The following CACNA2D1 variants were observed in gnomAD, a reference collection of about 807,000 sequenced individuals.
The protein encoded by CACNA2D1 is calcium voltage-gated channel auxiliary subunit alpha2delta 1.
Under a neutral mutation model 171.5 loss-of-function variants are expected in CACNA2D1, and 53 were observed. That is an observed-to-expected ratio of 0.31 (90% CI 0.25 to 0.39). The LOEUF is 0.39. CACNA2D1 is among the 10% of genes least tolerant of loss of function. The pLI, the probability that CACNA2D1 is intolerant of heterozygous loss-of-function variation, is 1.00. For synonymous variants in CACNA2D1, 442 were observed against 443.1 expected (o/e 1.00, Z 0.03); for missense variants, 903 against 1,299.8 (o/e 0.69, Z 4.69).
chr7:81,998,989 A>T (rs1041202475), intron 18 of CACNA2D1, among the ~76,000 whole-genome samples: 9 of 152,164 alleles, frequency 5.9e-5, no homozygotes, highest in African/African-American at 1.7e-4. Context: ...CCATCATATC[A>T]GCATTAAAAT....
chr7:82,160,067 C>A (rs1481697136), intron 4 of CACNA2D1, among the ~76,000 whole-genome samples: 1 of 151,704 alleles, frequency 6.6e-6, no homozygotes, highest in Non-Finnish European at 1.5e-5. Context: ...ATGTATCATT[C>A]GGAAACCAGT....
At chr7:82,310,266 T>C (rs1463559792) in intron 3 of CACNA2D1, among the ~76,000 whole-genome samples, 1 of 151,818 alleles carries the variant, frequency 6.6e-6, no homozygotes, top group Non-Finnish European at 1.5e-5. Context: ...AATAATTCTA[T>C]ATGCAATGTG....
intron 3 of CACNA2D1, among the ~76,000 whole-genome samples, chr7:82,301,840 C>T (rs189675893): frequency 1.3e-5 from 2 of 151,884 alleles, no homozygotes; most frequent in African/African-American, 4.8e-5. Context: ...TGACTGCAAC[C>T]TCTGCCTTCT....
At position 82,124,754 on chromosome 7, in the gene CACNA2D1, C is replaced by T. The variant is rs904305884; in HGVS notation, c.397-7581G>A. Among the ~76,000 whole-genome samples, 4 of 152,076 alleles carry T rather than the reference C, an allele frequency of 2.6e-5. No homozygotes were observed. In the East Asian group the frequency reaches 7.7e-4, roughly 29 times the overall value. On this transcript the variant is annotated intron_variant, in intron 5 of 38. Coordinates refer to ENST00000356860, the MANE Select transcript of CACNA2D1 (RefSeq NM_000722.4). The stretch of plus-strand genomic sequence containing the variant: ...ATTGCTTTCTGCATTTTATCCAGTT[C>T]TTTCTTCAAAATGCCAAGGACCTGG...
rs148029168 is a variant in CACNA2D1, at chr7:82,127,617, T to C, written c.396+9018A>G. 8.5e-5 allele frequency among the ~76,000 whole-genome samples: 13 copies of C among 152,286 alleles called. No homozygotes were observed. In the East Asian group the frequency reaches 1.9e-3, roughly 23 times the overall value. ...ATTAAAGCCAAAAATGCATTACAAG[T>C]TGCTTAGAACGCTCATAGGAAGGAC... On this transcript the variant is annotated intron_variant, in intron 5 of 38. Transcript: ENST00000356860.
intron 22 of CACNA2D1, 40 bp from the exon 23 acceptor site, chr7:81,983,374 A>C (rs1167003595): frequency 6.4e-7 from 1 of 1,569,252 alleles, no homozygotes; most frequent in African/African-American, 1.4e-5. Flanking sequence ...GGGAAACAAA[A>C]AAAAAAGAGG....
At chr7:82,094,178 A>T (rs2068378) in intron 6 of CACNA2D1, among the ~76,000 whole-genome samples, 51,108 of 151,888 alleles carry the variant, frequency 0.34, 9,895 homozygotes, top group African/African-American at 0.53. Context: ...AGTACATAGA[A>T]GTCGGCTATA....
chr7:82,259,497 A>G (rs558656067), intron 3 of CACNA2D1, among the ~76,000 whole-genome samples: 60 of 152,324 alleles, frequency 3.9e-4, no homozygotes, highest in Admixed American at 9.8e-4. Flanking sequence ...AAATATTTCT[A>G]TGGTAACACA....
At chr7:82,182,834 G>A (rs1186509081) in intron 3 of CACNA2D1, among the ~76,000 whole-genome samples, 3 of 151,936 alleles carry the variant, frequency 2.0e-5, no homozygotes, top group Admixed American at 6.6e-5. Flanking sequence ...TCGGGAGTTC[G>A]AGACCTGTCT....
At chr7:82,185,680 C>T (rs929332452) in intron 3 of CACNA2D1, among the ~76,000 whole-genome samples, 3 of 151,858 alleles carry the variant, frequency 2.0e-5, no homozygotes, top group East Asian at 3.9e-4. Flanking sequence ...AAAAGGCAAG[C>T]GAAGGGCAAG....
chr7:82,055,769 G>C (rs1376575315), intron 10 of CACNA2D1, among the ~76,000 whole-genome samples: 1 of 82,468 alleles, frequency 1.2e-5, no homozygotes, highest in African/African-American at 4.8e-5. Context: ...GTTGTAGGGT[G>C]GGGGGAGGGG....
chr7:81,968,948 C>G lies in CACNA2D1; in HGVS notation c.2334G>C (p.Ser778=), dbSNP rs368512946. 9 of 1,590,174 alleles carry G rather than the reference C, an allele frequency of 5.7e-6. No individual in the cohort carries two copies. The highest frequency in any genetic ancestry group is 6.9e-6 in the Non-Finnish European group (8 of 1,161,100). Residue 778 remains serine (S), a synonymous_variant, in exon 29 of 39, where the codon TCG becomes TCC. Coordinates refer to ENST00000356860, the MANE Select transcript of CACNA2D1 (RefSeq NM_000722.4). ...FNKSGPGAYE[S]GIMVSKAVEI... ...CTACAGCTTTGCTTACCATAATGCCCGATTCATAGGCACCAGGTCCACTTT... is the reference window on the plus strand; with the variant it reads ...CTACAGCTTTGCTTACCATAATGCCGGATTCATAGGCACCAGGTCCACTTT...
intron 2 of CACNA2D1, among the ~76,000 whole-genome samples, chr7:82,349,052 A>G (rs1220722920): frequency 6.6e-6 from 1 of 152,172 alleles, no homozygotes; most frequent in Admixed American, 6.6e-5. Flanking sequence ...CGTCTTTTAT[A>G]GAGTCTCCTT....
At chr7:82,275,779 T>C (rs755857342) in intron 3 of CACNA2D1, among the ~76,000 whole-genome samples, 1 of 152,186 alleles carries the variant, frequency 6.6e-6, no homozygotes, top group Non-Finnish European at 1.5e-5. Context: ...CAGTAAGCAC[T>C]AAATAATTGT....
At chr7:82,346,226 T>A (rs1819235736) in intron 2 of CACNA2D1, among the ~76,000 whole-genome samples, 1 of 152,166 alleles carries the variant, frequency 6.6e-6, no homozygotes. Flanking sequence ...TCTCAACTGC[T>A]ATGTGGCAGA....
chr7:82,157,788 T>C (rs1003649403), intron 4 of CACNA2D1, among the ~76,000 whole-genome samples: 3 of 152,060 alleles, frequency 2.0e-5, no homozygotes, highest in Non-Finnish European at 4.4e-5. Flanking sequence ...GTGTAACTAA[T>C]GCTCTTTGTT....
At chr7:82,164,313 G>T (rs1379891708) in intron 4 of CACNA2D1, among the ~76,000 whole-genome samples, 1 of 151,928 alleles carries the variant, frequency 6.6e-6, no homozygotes, top group Non-Finnish European at 1.5e-5. Flanking sequence ...TTATCCCCAA[G>T]AAGTTTATAT....
At chr7:82,103,546 C>T (rs1812948804) in intron 6 of CACNA2D1, among the ~76,000 whole-genome samples, 2 of 152,164 alleles carry the variant, frequency 1.3e-5, no homozygotes, top group Non-Finnish European at 2.9e-5. Context: ...CTATAATACT[C>T]AACAAGACAC....
Position 82,117,688 on chromosome 7 carries a change from A to G in CACNA2D1, c.397-515T>C, listed in dbSNP as rs564325246. On this transcript the variant is annotated intron_variant, in intron 5 of 38. Transcript: ENST00000356860. ...CTGTAGTCACAGGAGGCTTTAGGTC[A>G]AAAGATCGCTTGTGCATGGGAGGTT... Among the ~76,000 whole-genome samples, 503 of 152,260 alleles carry G rather than the reference A, an allele frequency of 3.3e-3. 6 individuals carry two copies. The highest frequency in any genetic ancestry group is 0.028 in the South Asian group (137 of 4,830).
Sources: allele counts gnomAD v4.1 joint callset (sites outside exome capture counted in the v4.1 genomes callset), GRCh38; gene constraint gnomAD v4.1.1; transcripts MANE v1.5; gene names NCBI Gene and HGNC (gene_info 2026-07-23, HGNC 2026-07-21).